PSD3: variants seen among roughly 807,000 people sequenced by gnomAD.
The protein encoded by PSD3 is PH and SEC7 domain-containing protein 3.
Under a neutral mutation model 105.5 loss-of-function variants are expected in PSD3, and 49 were observed. The ratio of observed to expected loss-of-function variants is 0.46; its 90% CI spans 0.37 to 0.59. The LOEUF (loss-of-function observed/expected upper bound fraction) is 0.59, where lower values mean the gene tolerates loss of function less well. Among genes scored for constraint, PSD3 ranks in the 20% least tolerant of loss-of-function variants. The probability of loss-of-function intolerance (pLI) is 0.00; values close to 1 mark genes in which losing one functional copy is unlikely to be tolerated. For synonymous variants in PSD3, 557 were observed against 457.8 expected (o/e 1.22, Z -2.77); for missense variants, 1,561 against 1,263.8 (o/e 1.24, Z -3.57).
chr8:19,063,273 T>A (rs992592469), intron 1 of PSD3, among the ~76,000 whole-genome samples: 31 of 152,188 alleles, frequency 2.0e-4, no homozygotes, highest in Non-Finnish European at 4.0e-4. Context: ...TTACCAAGAG[T>A]TAACCAATTT....
intron 1 of PSD3, among the ~76,000 whole-genome samples, chr8:19,028,422 A>T (rs768627439): frequency 3.9e-4 from 59 of 150,610 alleles, no homozygotes; most frequent in Non-Finnish European, 7.4e-4. Flanking sequence ...GCGTGATTGT[A>T]ACTCACTGCA....
chr8:18,924,940 G>C (rs1301227174), intron 2 of PSD3: 5 of 152,116 alleles, frequency 3.3e-5, no homozygotes, highest in Non-Finnish European at 7.4e-5. Flanking sequence ...CATGACATGG[G>C]AAGTACAAGC....
At chr8:18,980,425 G>A (rs1825192188) in intron 1 of PSD3, among the ~76,000 whole-genome samples, 2 of 152,156 alleles carry the variant, frequency 1.3e-5, no homozygotes, top group South Asian at 2.1e-4. Context: ...TCAAGTGAAA[G>A]TAGCACCTAG....
At chr8:18,923,166 C>A (rs1028763636) in intron 2 of PSD3, among the ~76,000 whole-genome samples, 1 of 152,096 alleles carries the variant, frequency 6.6e-6, no homozygotes, top group African/African-American at 2.4e-5. Context: ...ATAAAATACA[C>A]TAACACTACC....
intron 8 of PSD3, among the ~76,000 whole-genome samples, chr8:18,770,331 T>C (rs1807401671): frequency 6.6e-6 from 1 of 152,268 alleles, no homozygotes; most frequent in Non-Finnish European, 1.5e-5. Context: ...TATATTTTTA[T>C]TATTCAGTTG....
At chr8:18,890,178 G>A (rs1159499827) in intron 2 of PSD3, among the ~76,000 whole-genome samples, 1 of 151,940 alleles carries the variant, frequency 6.6e-6, no homozygotes, top group Non-Finnish European at 1.5e-5. Flanking sequence ...GGAGGAACTG[G>A]TAACAATAAT....
chr8:18,950,028 T>C (rs1204758959), intron 1 of PSD3, among the ~76,000 whole-genome samples: 1 of 152,182 alleles, frequency 6.6e-6, no homozygotes. Flanking sequence ...GCGAAATTCT[T>C]ACATCCCAGC....
At chr8:19,003,006 T>C (rs1265316472) in intron 1 of PSD3, among the ~76,000 whole-genome samples, 1 of 152,080 alleles carries the variant, frequency 6.6e-6, no homozygotes, top group Non-Finnish European at 1.5e-5. Context: ...ATTTACTGCC[T>C]ACTTACTGTC....
intron 8 of PSD3, among the ~76,000 whole-genome samples, chr8:18,791,143 C>G (rs1809683406): frequency 6.6e-6 from 1 of 152,086 alleles, no homozygotes; most frequent in Non-Finnish European, 1.5e-5. Context: ...ACGAAAATGG[C>G]CATACTATCC....
intron 9 of PSD3, among the ~76,000 whole-genome samples, chr8:18,752,616 TAA>T (rs1805680140): frequency 2.6e-5 from 2 of 77,856 alleles, no homozygotes; most frequent in African/African-American, 6.4e-5. Context: ...ATAATACATA[TAA>T]TATATATTAT....
chr8:18,700,223 CCT>C (rs928190020), intron 9 of PSD3, among the ~76,000 whole-genome samples: 5 of 152,030 alleles, frequency 3.3e-5, no homozygotes, highest in African/African-American at 7.2e-5. Context: ...AGCAACTTTC[CCT>C]GTTTCCCTTT....
At chr8:18,866,192 C>A (rs1433036922) in intron 4 of PSD3, among the ~76,000 whole-genome samples, 3 of 152,208 alleles carry the variant, frequency 2.0e-5, no homozygotes, top group Admixed American at 1.3e-4. Flanking sequence ...AATTTGCAGT[C>A]CTCAGAGACG....
intron 9 of PSD3, among the ~76,000 whole-genome samples, chr8:18,672,493 T>G (rs923737059): frequency 6.6e-6 from 1 of 152,166 alleles, no homozygotes; most frequent in Non-Finnish European, 1.5e-5. Context: ...TACAAACAAA[T>G]TAAATAATCT....
At chr8:18,754,326 G>C (rs1459304721) in intron 9 of PSD3, among the ~76,000 whole-genome samples, 1 of 152,186 alleles carries the variant, frequency 6.6e-6, no homozygotes, top group African/African-American at 2.4e-5. Context: ...ACAGGTTGCG[G>C]TGAGCTGAGA....
At chr8:18,632,176 C>T (rs1806949412) in intron 11 of PSD3, among the ~76,000 whole-genome samples, 1 of 152,006 alleles carries the variant, frequency 6.6e-6, no homozygotes, top group South Asian at 2.1e-4. Context: ...TGAATTCCCT[C>T]CCTCCATCCT....
chr8:18,634,723 C>T (rs150114087), intron 10 of PSD3, among the ~76,000 whole-genome samples: 330 of 152,162 alleles, frequency 2.2e-3, no homozygotes, highest in Non-Finnish European at 4.0e-3. Context: ...ACTGGATAGA[C>T]GTTATGCATT....
At chr8:18,907,364 G>A (rs1819912973) in intron 2 of PSD3, among the ~76,000 whole-genome samples, 2 of 151,988 alleles carry the variant, frequency 1.3e-5, no homozygotes, top group East Asian at 3.9e-4. Context: ...GTAGAGATGG[G>A]GGTCTCGCTG....
intron 10 of PSD3, among the ~76,000 whole-genome samples, chr8:18,653,837 A>C (rs1290642959): frequency 6.6e-6 from 1 of 152,128 alleles, no homozygotes; most frequent in African/African-American, 2.4e-5. Flanking sequence ...AAATAACTTC[A>C]TAAAAGAATC....
intron 4 of PSD3, among the ~76,000 whole-genome samples, chr8:18,810,188 T>C (rs1485688205): frequency 6.6e-6 from 1 of 152,164 alleles, no homozygotes; most frequent in Non-Finnish European, 1.5e-5. Context: ...TCTTTTAAAA[T>C]CTCATCGCTT....
Sources: allele counts gnomAD v4.1 joint callset (sites outside exome capture counted in the v4.1 genomes callset), GRCh38; gene constraint gnomAD v4.1.1; transcripts MANE v1.5; gene names NCBI Gene and HGNC (gene_info 2026-07-23, HGNC 2026-07-21).